The following TNFRSF19 variants were observed in gnomAD, a reference collection of about 807,000 sequenced individuals.
TNFRSF19 encodes the protein TNF receptor superfamily member 19.
A neutral mutation model predicts 46.4 loss-of-function variants in TNFRSF19; 27 were observed. That is an observed-to-expected ratio of 0.58 (90% confidence interval 0.43 to 0.80). The LOEUF (loss-of-function observed/expected upper bound fraction) is 0.80, where lower values mean the gene tolerates loss of function less well. Among genes scored for constraint, TNFRSF19 ranks in the 30% least tolerant of loss-of-function variants. The pLI is 0.00. For synonymous variants in TNFRSF19, 204 were observed against 205.0 expected, an observed-to-expected ratio of 1.00 and a Z score of 0.04; for missense variants, 511 against 530.8, an observed-to-expected ratio of 0.96 and a Z score of 0.37.
chr13:23,633,933 G>GA, intron 5 of TNFRSF19, among the ~76,000 whole-genome samples: 1 of 152,108 alleles, frequency 6.6e-6, no homozygotes, highest in Non-Finnish European at 1.5e-5. Context: ...CCTGTTTAGA[G>GA]AAAAAATACA....
intron 8 of TNFRSF19, 141 bp downstream of exon 8, chr13:23,668,223 T>G: frequency 3.7e-6 from 3 of 806,812 alleles, no homozygotes; most frequent in Non-Finnish European, 1.9e-6. Flanking sequence ...GGGGTGCAGT[T>G]CTCAGGGAAG....
intron 5 of TNFRSF19, among the ~76,000 whole-genome samples, chr13:23,627,955 T>C (rs565157093): frequency 2.4e-4 from 37 of 152,332 alleles, no homozygotes; most frequent in African/African-American, 8.9e-4. Context: ...AGAAAACATA[T>C]ATCGATCCTC....
In TNFRSF19 at chr13:23,610,662, C is replaced by T. The variant is rs118006143; in HGVS notation, c.181-5205C>T. Among the ~76,000 whole-genome samples, 936 of 152,156 alleles carry T rather than the reference C, an allele frequency of 6.2e-3. 7 individuals are homozygous for T. The highest frequency in any genetic ancestry group is 0.01 in the Middle Eastern group (3 of 294). On this transcript the variant is annotated intron_variant, in intron 3 of 9. Coordinates refer to ENST00000248484, the MANE Select transcript of TNFRSF19 (RefSeq NM_148957.4). ...CTACCTTAAACAATATTTGTTCATC[C>T]GTTTGTTTATCAGCAGGCATTTATT...
At chr13:23,645,765 A>G (rs1045461583) in intron 5 of TNFRSF19, among the ~76,000 whole-genome samples, 2 of 152,108 alleles carry the variant, frequency 1.3e-5, no homozygotes, top group Non-Finnish European at 2.9e-5. Context: ...TTGAATTTAT[A>G]TCTCCAGCTA....
chr13:23,644,605 A>G (rs1883222451), intron 5 of TNFRSF19, among the ~76,000 whole-genome samples: 1 of 152,212 alleles, frequency 6.6e-6, no homozygotes, highest in Non-Finnish European at 1.5e-5. Context: ...ACAGACTAAT[A>G]CACAGTTCAA....
intron 9 of TNFRSF19, 86 bp downstream of exon 9, chr13:23,669,183 C>A: frequency 1.3e-6 from 2 of 1,483,336 alleles, no homozygotes; most frequent in Non-Finnish European, 1.8e-6. Context: ...TTTGGGGGAA[C>A]CTGATGAGTT....
intron 1 of TNFRSF19, among the ~76,000 whole-genome samples, chr13:23,575,874 A>G (rs1351824451): frequency 1.3e-5 from 2 of 152,166 alleles, no homozygotes; most frequent in Non-Finnish European, 2.9e-5. Flanking sequence ...AGTTTTCCTT[A>G]GTTCAACTTT....
At chr13:23,661,442 T>C (rs904091547) in intron 7 of TNFRSF19, among the ~76,000 whole-genome samples, 8 of 152,246 alleles carry the variant, frequency 5.3e-5, no homozygotes, top group Non-Finnish European at 8.8e-5. Context: ...CAGTCTGTAA[T>C]TGATAGGCAT....
chr13:23,599,219 G>A (rs1879952894), intron 3 of TNFRSF19, among the ~76,000 whole-genome samples: 1 of 152,106 alleles, frequency 6.6e-6, no homozygotes, highest in African/African-American at 2.4e-5. Flanking sequence ...TTTCTGTGTG[G>A]GGTGTAAAAA....
intron 5 of TNFRSF19, among the ~76,000 whole-genome samples, chr13:23,653,842 A>G (rs183495755): frequency 9.9e-4 from 151 of 152,338 alleles, no homozygotes; most frequent in African/African-American, 3.5e-3. Context: ...TGTAAATGCC[A>G]TGCTCATTTC....
At chr13:23,670,416 C>T (rs1253294189) in intron 9 of TNFRSF19, among the ~76,000 whole-genome samples, 2 of 151,986 alleles carry the variant, frequency 1.3e-5, no homozygotes, top group African/African-American at 4.8e-5. Flanking sequence ...GTTTCATTCT[C>T]AAAACGGGGG....
intron 1 of TNFRSF19, among the ~76,000 whole-genome samples, chr13:23,589,199 C>T (rs918421807): frequency 1.3e-5 from 2 of 152,160 alleles, no homozygotes; most frequent in South Asian, 2.1e-4. Flanking sequence ...GATGAGGCTT[C>T]GCTTTTTCTT....
At chr13:23,608,564 G>A (rs536083387) in intron 3 of TNFRSF19, among the ~76,000 whole-genome samples, 7 of 152,292 alleles carry the variant, frequency 4.6e-5, no homozygotes, top group African/African-American at 9.6e-5. Flanking sequence ...TCTCTTGCTC[G>A]TTTTGTAAAT....
Position 23,615,946 on chromosome 13 carries a change from A to G in TNFRSF19, c.260A>G (p.Gln87Arg), listed in dbSNP as rs372392866. Reference sequence around the variant, plus strand: ...AGGTTCAAGGAGGACTGGGGCTTCCAGAAATGCAAGCCCTGTCTGGACTGC... The same window carrying G: ...AGGTTCAAGGAGGACTGGGGCTTCCGGAAATGCAAGCCCTGTCTGGACTGC... ...LHRFKEDWGF[Q>R]KCKPCLDCAV... is the part of the protein sequence containing the mutation. Residue 87 changes from glutamine to arginine, a missense_variant, in exon 4 of 10, where the codon CAG becomes CGG. Around this residue, in one of 3 missense-constraint regions of TNFRSF19, gnomAD observed 121 missense variants for 124.1 expected, o/e 0.98. Coordinates refer to ENST00000248484, the MANE Select transcript of TNFRSF19 (RefSeq NM_148957.4). 150 of 1,613,980 alleles carry G rather than the reference A, an allele frequency of 9.3e-5. No individual in the cohort carries two copies. The highest frequency in any genetic ancestry group is 1.3e-4 in the Non-Finnish European group (148 of 1,179,964).
At chr13:23,595,008 C>T (rs1200865793) in intron 3 of TNFRSF19, among the ~76,000 whole-genome samples, 2 of 152,178 alleles carry the variant, frequency 1.3e-5, no homozygotes, top group South Asian at 2.1e-4. Flanking sequence ...CTCCAGCAGA[C>T]CTGAAGCAAA....
intron 1 of TNFRSF19, among the ~76,000 whole-genome samples, chr13:23,572,112 T>C (rs1182486233): frequency 6.6e-6 from 1 of 152,150 alleles, no homozygotes; most frequent in Non-Finnish European, 1.5e-5. Flanking sequence ...ACTAGAAGGG[T>C]AATTAGCATT....
chr13:23,609,006 C>T (rs4770467), intron 3 of TNFRSF19, among the ~76,000 whole-genome samples: 26,345 of 152,180 alleles, frequency 0.17, 2,817 homozygotes, highest in South Asian at 0.25. Context: ...GCAGGCGCCT[C>T]TCGCTAGTTC....
chr13:23,670,581 TTA>T (rs1951744058), intron 9 of TNFRSF19, among the ~76,000 whole-genome samples: 1 of 152,220 alleles, frequency 6.6e-6, no homozygotes, highest in Non-Finnish European at 1.5e-5. Flanking sequence ...TGTAAAATTG[TTA>T]TGATAATAAA....
intron 1 of TNFRSF19, chr13:23,579,321 A>G (rs1878203479): frequency 6.6e-6 from 1 of 151,992 alleles, no homozygotes; most frequent in African/African-American, 2.4e-5. Flanking sequence ...CGGTGCCCTG[A>G]GCGGGGCTCC....
Sources: gnomAD v4.1 joint callset for allele counts (sites outside exome capture counted in the v4.1 genomes callset) on GRCh38, gnomAD v4.1.1 for gene constraint, gnomAD v4.1.1 regional missense constraint, MANE v1.5 for transcripts, NCBI Gene and HGNC (gene_info 2026-07-23, HGNC 2026-07-21) for gene names.